CLASP1: variants seen among roughly 807,000 people sequenced by gnomAD.
CLASP1 encodes cytoplasmic linker associated protein 1, also known as CLIP-associating protein 1.
Under a neutral mutation model 192.3 loss-of-function variants are expected in CLASP1, and 38 were observed. The ratio of observed to expected loss-of-function variants is 0.20; its 90% CI spans 0.15 to 0.26. CLASP1 has a LOEUF of 0.26. Ranked by LOEUF, CLASP1 falls within the 10% of genes least tolerant of loss-of-function variation. The pLI is 1.00. For synonymous variants in CLASP1, 691 were observed against 712.8 expected (o/e 0.97, Z 0.49); for missense variants, 1,433 against 1,932.5 (o/e 0.74, Z 4.85).
chr2:121,397,369 C>A, intron 29 of CLASP1, 86 bp from the exon 31 acceptor site: 2 of 1,175,420 alleles, frequency 1.7e-6, no homozygotes, highest in South Asian at 1.4e-5. Flanking sequence ...GAAAAGTAAA[C>A]CCTGGTGAGG....
At position 121,478,237 on chromosome 2, in the gene CLASP1, C is replaced by A. The variant is rs545559667; in HGVS notation, c.713-8277G>T. ...GACAAAAAACAACATATTCTCTAAA[C>A]ACAGTAAAACGCTTTCATGCTAAAA... On this transcript the variant is annotated intron_variant, in intron 8 of 39. Coordinates refer to ENST00000263710, the Ensembl canonical transcript of CLASP1. Among the ~76,000 whole-genome samples the A allele has an allele frequency of 4.9e-4, 75 of 152,172 alleles. No individual in the cohort carries two copies. The South Asian group carries it at 0.015, about 31-fold the overall frequency.
chr2:121,403,757 AT>A, intron 26 of CLASP1: 1 of 469,280 alleles, frequency 2.1e-6, no homozygotes, highest in Admixed American at 2.2e-5. Flanking sequence ...ACTCATGGGC[AT>A]TTCCCCCTCA....
intron 13 of CLASP1, 26 bp downstream of exon 13, chr2:121,458,814 T>G: frequency 1.3e-6 from 2 of 1,540,766 alleles, no homozygotes; most frequent in Non-Finnish European, 1.8e-6. Context: ...CTTGCTTATT[T>G]CAAGCATGGC....
chr2:121,429,335 T>A (rs1199472789), intron 20 of CLASP1, among the ~76,000 whole-genome samples: 2 of 152,104 alleles, frequency 1.3e-5, no homozygotes, highest in Non-Finnish European at 2.9e-5. Flanking sequence ...GGAAGACTCT[T>A]CCTTCCCACG....
chr2:121,582,481 G>T (rs1185719317), intron 2 of CLASP1, among the ~76,000 whole-genome samples: 1 of 148,216 alleles, frequency 6.7e-6, no homozygotes, highest in African/African-American at 2.5e-5. Flanking sequence ...GTTTTTGGAA[G>T]GAAGGAAAGA....
At chr2:121,421,084 T>C (rs1269579907) in intron 22 of CLASP1, among the ~76,000 whole-genome samples, 2 of 152,142 alleles carry the variant, frequency 1.3e-5, no homozygotes, top group Non-Finnish European at 2.9e-5. Context: ...ATGGCCATAG[T>C]TACCCTAAAC....
At chr2:121,353,002 T>C (rs1212193268) in intron 37 of CLASP1, among the ~76,000 whole-genome samples, 1 of 152,136 alleles carries the variant, frequency 6.6e-6, no homozygotes, top group African/African-American at 2.4e-5. Context: ...TGAGACAAGA[T>C]GTAAACCAGC....
At chr2:121,537,849 T>C (rs552191738) in intron 2 of CLASP1, among the ~76,000 whole-genome samples, 1 of 152,356 alleles carries the variant, frequency 6.6e-6, no homozygotes, top group South Asian at 2.1e-4. Context: ...TTCCCCTTTA[T>C]TATGTTAATC....
At chr2:121,364,471 AAG>A (rs1396053521) in intron 36 of CLASP1, 2 of 154,364 alleles carry the variant, frequency 1.3e-5, no homozygotes, top group Non-Finnish European at 2.9e-5. Context: ...TCCCCCCTTT[AAG>A]AGTTCTCTAT....
At chr2:121,461,122 A>G in exon 11 of CLASP1, 1 of 1,605,008 alleles carries the variant, frequency 6.2e-7, no homozygotes, top group Non-Finnish European at 8.5e-7. Flanking sequence ...TCTGCTCCCA[A>G]TCATGCTTGT....
At chr2:121,468,776 A>G (rs946552016) in intron 9 of CLASP1, among the ~76,000 whole-genome samples, 2 of 151,740 alleles carry the variant, frequency 1.3e-5, no homozygotes, top group African/African-American at 4.8e-5. Flanking sequence ...CCTAACCCCA[A>G]TCCTAAGCCC....
At chr2:121,560,678 T>A (rs2058998652) in intron 2 of CLASP1, among the ~76,000 whole-genome samples, 1 of 152,242 alleles carries the variant, frequency 6.6e-6, no homozygotes, top group Non-Finnish European at 1.5e-5. Flanking sequence ...GAACAGCAAG[T>A]TACTGACAAT....
intron 2 of CLASP1, among the ~76,000 whole-genome samples, chr2:121,590,576 T>G (rs943983999): frequency 6.6e-6 from 1 of 152,212 alleles, no homozygotes; most frequent in South Asian, 2.1e-4. Flanking sequence ...AATAAGATAA[T>G]TATCTCAGGG....
intron 8 of CLASP1, among the ~76,000 whole-genome samples, chr2:121,483,394 C>G (rs1032522636): frequency 3.3e-5 from 5 of 151,904 alleles, no homozygotes; most frequent in Non-Finnish European, 5.9e-5. Flanking sequence ...CTTTAGGAAT[C>G]TGAAGGTTTT....
chr2:121,622,650 G>A (rs72956517), intron 1 of CLASP1, among the ~76,000 whole-genome samples: 5,826 of 151,364 alleles, frequency 0.038, 162 homozygotes, highest in East Asian at 0.14. Context: ...ACGCTACTGT[G>A]AATGGAATTG....
chr2:121,449,261 C>CA, intron 16 of CLASP1, 141 bp from the exon 17 acceptor site: 1 of 644,636 alleles, frequency 1.6e-6, no homozygotes, highest in African/African-American at 1.8e-5. Flanking sequence ...AGAGGGTAAA[C>CA]AAAGGAGACC....
intron 2 of CLASP1, among the ~76,000 whole-genome samples, chr2:121,574,900 G>A (rs1576138883): frequency 6.6e-6 from 1 of 151,542 alleles, no homozygotes; most frequent in Admixed American, 6.6e-5. Flanking sequence ...CCGAGATCGT[G>A]CCACTGCACT....
chr2:121,642,174 T>C (rs2072212637), intron 1 of CLASP1, among the ~76,000 whole-genome samples: 1 of 151,552 alleles, frequency 6.6e-6, no homozygotes, highest in Non-Finnish European at 1.5e-5. Context: ...TCCCAGCACT[T>C]TGGGAGGGTG....
In CLASP1 at chr2:121,516,609, G is replaced by A. The variant is rs145197029; in HGVS notation, c.547-847C>T. Among the ~76,000 whole-genome samples the A allele has an allele frequency of 7.1e-3, 1,088 of 152,230 alleles. 8 individuals carry two copies. Among genetic ancestry groups the A allele is most frequent in the African/African-American group, 0.024 (1,003 of 41,532 alleles). ...TTCTAACCTGGGGAAATTTGAATAC[G>A]GACTGTATATTACACATCACTGTAT... On this transcript the variant is annotated intron_variant, in intron 6 of 39. Coordinates refer to ENST00000263710, the Ensembl canonical transcript of CLASP1.
Sources: gnomAD v4.1 joint callset for allele counts (sites outside exome capture counted in the v4.1 genomes callset) on GRCh38, gnomAD v4.1.1 for gene constraint, MANE v1.5 for transcripts, NCBI Gene and HGNC (gene_info 2026-07-23, HGNC 2026-07-21) for gene names.